The following CLCN3 variants were observed in gnomAD, a reference collection of about 807,000 sequenced individuals.
CLCN3 encodes the protein Cl-/H+ antiporter 3.
Under a neutral mutation model 83.4 loss-of-function variants are expected in CLCN3, and 16 were observed. That is an observed-to-expected ratio of 0.19 (90% confidence interval 0.13 to 0.29). The LOEUF is 0.29. Ranked by LOEUF, CLCN3 falls within the 10% of genes least tolerant of loss-of-function variation. The pLI, the probability that CLCN3 is intolerant of heterozygous loss-of-function variation, is 1.00. For synonymous variants in CLCN3, 322 were observed against 346.2 expected (o/e 0.93, Z 0.78); for missense variants, 544 against 1,006.0 (o/e 0.54, Z 6.21).
chr4:169,679,684 C>T (rs1267109668), intron 2 of CLCN3, among the ~76,000 whole-genome samples: 2 of 152,218 alleles, frequency 1.3e-5, no homozygotes, highest in African/African-American at 4.8e-5. Context: ...AGGTCAGGAG[C>T]TGGAGACCAG....
chr4:169,636,292 T>G (rs1055760718), intron 2 of CLCN3, among the ~76,000 whole-genome samples: 4 of 152,148 alleles, frequency 2.6e-5, no homozygotes, highest in African/African-American at 9.7e-5. Context: ...TTCTATCTCG[T>G]TCCAAACATT....
chr4:169,718,383 C>T (rs938524269), intron 12 of CLCN3, among the ~76,000 whole-genome samples: 1 of 151,992 alleles, frequency 6.6e-6, no homozygotes. Flanking sequence ...AATGGGCACA[C>T]TAACTAGAGT....
intron 1 of CLCN3, among the ~76,000 whole-genome samples, chr4:169,626,934 A>G (rs1434215189): frequency 1.3e-5 from 2 of 152,230 alleles, no homozygotes; most frequent in South Asian, 2.1e-4. Flanking sequence ...GTTATGCCCT[A>G]TCTTACGTTT....
rs528237537 is a variant in CLCN3, at chr4:169,631,524, G to T, written c.-16-4389G>T. Among the ~76,000 whole-genome samples the T allele has an allele frequency of 3.3e-5, 5 of 152,152 alleles. No individual in the cohort carries two copies. In the East Asian group the frequency reaches 9.7e-4, roughly 29 times the overall value. ...AGGATGGTCTTGATCTCCTGACCTCGTGATCCGCCCACCTAGGCCTCCCAA... is the reference window on the plus strand; with the variant it reads ...AGGATGGTCTTGATCTCCTGACCTCTTGATCCGCCCACCTAGGCCTCCCAA... On this transcript the variant is annotated intron_variant, in intron 1 of 12. Coordinates refer to ENST00000513761, the MANE Select transcript of CLCN3 (RefSeq NM_001829.4).
chr4:169,677,194 A>G (rs1456418494), intron 2 of CLCN3, among the ~76,000 whole-genome samples: 1 of 151,932 alleles, frequency 6.6e-6, no homozygotes, highest in Non-Finnish European at 1.5e-5. Context: ...GTTTTTTTTA[A>G]TTCTCTTTGT....
At chr4:169,669,872 A>AC (rs1731391485) in intron 2 of CLCN3, among the ~76,000 whole-genome samples, 1 of 152,152 alleles carries the variant, frequency 6.6e-6, no homozygotes, top group South Asian at 2.1e-4. Context: ...TTTGACTGTT[A>AC]TTAGTCTTTT....
intron 9 of CLCN3, chr4:169,702,686 A>G (rs1185788806): frequency 5.8e-6 from 1 of 172,566 alleles, no homozygotes; most frequent in South Asian, 1.2e-4. Flanking sequence ...TCACGCCTGT[A>G]ATCTCCATGC....
chr4:169,697,053 C>A (rs1732591856), intron 8 of CLCN3, 136 bp from the exon 9 acceptor site: 1 of 589,068 alleles, frequency 1.7e-6, no homozygotes, highest in African/African-American at 1.9e-5. Context: ...TTTCTTATTA[C>A]AGTAAAATCC....
At chr4:169,700,579 A>G (rs531385575) in intron 9 of CLCN3, among the ~76,000 whole-genome samples, 107 of 152,196 alleles carry the variant, frequency 7.0e-4, no homozygotes, top group African/African-American at 2.4e-3. Context: ...GTAGTCTTTA[A>G]ATGATCTTGC....
At chr4:169,638,962 C>A (rs2150204619) in intron 2 of CLCN3, among the ~76,000 whole-genome samples, 1 of 152,318 alleles carries the variant, frequency 6.6e-6, no homozygotes, top group East Asian at 1.9e-4. Flanking sequence ...CTTTAACATG[C>A]AAACAAGAGG....
Position 169,722,653 on chromosome 4 carries a change from AT to A in CLCN3, c.*2657del, listed in dbSNP as rs1189686577. The A allele has an allele frequency of 3.3e-5, 5 of 152,290 alleles. No individual in the cohort carries two copies. The highest frequency in any genetic ancestry group is 7.3e-5 in the Non-Finnish European group (5 of 68,028). 9.4% of individuals were successfully genotyped at this position (152,290 alleles called of 1,614,324 possible). On this transcript the variant is annotated 3_prime_UTR_variant, in exon 13 of 13. Transcript: ENST00000513761. ...ATTTCTGCTCCTCCTTTAATTGCCC[AT>A]CTTGCTTCAGAGACTGACATTTCAG...
intron 2 of CLCN3, among the ~76,000 whole-genome samples, chr4:169,636,913 C>G (rs1166960703): frequency 6.6e-6 from 1 of 151,788 alleles, no homozygotes; most frequent in Non-Finnish European, 1.5e-5. Flanking sequence ...AGAGATACTT[C>G]CATTTCTTTT....
chr4:169,703,233 A>T (rs943006561), intron 9 of CLCN3, among the ~76,000 whole-genome samples: 1 of 152,252 alleles, frequency 6.6e-6, no homozygotes, highest in Non-Finnish European at 1.5e-5. Context: ...GTGCTGATGG[A>T]CTAGCTTGAT....
chr4:169,704,802 C>T lies in CLCN3; in HGVS notation c.1750+618C>T, dbSNP rs6836728. Reference sequence around the variant, plus strand: ...CTTTTCATATTTAAAATATCAGCTACACTCTGGTGATAATATTAATGGTTG... The same window carrying T: ...CTTTTCATATTTAAAATATCAGCTATACTCTGGTGATAATATTAATGGTTG... On this transcript the variant is annotated intron_variant, in intron 10 of 12. Transcript: ENST00000513761. Among the ~76,000 whole-genome samples the T allele has an allele frequency of 4.6e-3, 705 of 152,282 alleles. 4 individuals carry two copies. The highest frequency in any genetic ancestry group is 0.016 in the African/African-American group (675 of 41,558).
chr4:169,647,773 A>G lies in CLCN3; in HGVS notation c.160+11685A>G, dbSNP rs572017082. On this transcript the variant is annotated intron_variant, in intron 2 of 12. Transcript: ENST00000513761. ...ATAATTTATGTACCCATTCCATTCTATGGAGGAGAAGCTCAATTCCTACCT... is the reference window on the plus strand; with the variant it reads ...ATAATTTATGTACCCATTCCATTCTGTGGAGGAGAAGCTCAATTCCTACCT... Among the ~76,000 whole-genome samples the G allele has an allele frequency of 3.9e-5, 6 of 152,388 alleles. No homozygotes were observed. In the South Asian group the frequency reaches 1.0e-3, roughly 26 times the overall value.
rs751937089 is a variant in CLCN3, at chr4:169,713,315, A to T, written c.2366+20A>T. 1 of 1,561,122 alleles carries T rather than the reference A, an allele frequency of 6.4e-7. No homozygotes were observed. Among genetic ancestry groups the T allele is most frequent in the East Asian group, 2.2e-5 (1 of 44,648 alleles). On this transcript the variant is annotated intron_variant, in intron 12 of 12. Coordinates refer to ENST00000513761, the MANE Select transcript of CLCN3 (RefSeq NM_001829.4). Reference sequence around the variant, plus strand: ...CAATGGGTAAGTCTGGTACCACAGGAATCAGTTCACTTGCTAGAATATAGG... The same window carrying T: ...CAATGGGTAAGTCTGGTACCACAGGTATCAGTTCACTTGCTAGAATATAGG...
At chr4:169,712,621 G>A (rs1040456461) in intron 11 of CLCN3, among the ~76,000 whole-genome samples, 2 of 152,222 alleles carry the variant, frequency 1.3e-5, no homozygotes, top group African/African-American at 4.8e-5. Context: ...GGAGGACACA[G>A]CATAGTCAAA....
At chr4:169,695,269 C>T (rs986314128) in intron 7 of CLCN3, among the ~76,000 whole-genome samples, 1 of 152,112 alleles carries the variant, frequency 6.6e-6, no homozygotes, top group Non-Finnish European at 1.5e-5. Context: ...AAATAGCTCC[C>T]CATCCCAGTT....
At chr4:169,638,440 A>G in intron 2 of CLCN3, among the ~76,000 whole-genome samples, 1 of 152,186 alleles carries the variant, frequency 6.6e-6, no homozygotes, top group East Asian at 1.9e-4. Context: ...TTACTGGTTT[A>G]AAATACAATA....
Sources: allele counts gnomAD v4.1 joint callset (sites outside exome capture counted in the v4.1 genomes callset), GRCh38; gene constraint gnomAD v4.1.1; transcripts MANE v1.5; gene names NCBI Gene and HGNC (gene_info 2026-07-23, HGNC 2026-07-21).